URB2: variants seen among roughly 807,000 people sequenced by gnomAD.
The protein encoded by URB2 is URB2 ribosome biogenesis homolog.
Under a neutral mutation model 120.9 loss-of-function variants are expected in URB2, and 86 were observed. That is an observed-to-expected ratio of 0.71 (90% CI 0.60 to 0.85). The LOEUF is 0.85. URB2 is among the 40% of genes least tolerant of loss of function. The pLI, the probability that URB2 is intolerant of heterozygous loss-of-function variation, is 0.00. For missense variants in URB2, 1,765 were observed against 1,836.5 expected (o/e 0.96, Z 0.71); for synonymous variants, 755 against 758.4 (o/e 1.00, Z 0.07).
intron 5 of URB2, among the ~76,000 whole-genome samples, 200 bp from the exon 6 acceptor site, chr1:229,645,659 T>C (rs73101787): frequency 0.026 from 3,962 of 152,230 alleles, 161 homozygotes; most frequent in African/African-American, 0.088. Flanking sequence ...TCTTCTTCAC[T>C]TCCTTCCTGT....
chr1:229,655,131 G>A (rs1666377238), intron 9 of URB2, among the ~76,000 whole-genome samples: 1 of 152,210 alleles, frequency 6.6e-6, no homozygotes, highest in South Asian at 2.1e-4. Flanking sequence ...TGACAAGGTG[G>A]AGATACAGGT....
rs947948554 is a variant in URB2, at chr1:229,651,715, G to A, written c.4237+393G>A. On this transcript the variant is annotated intron_variant, in intron 8 of 9. Transcript: ENST00000258243. ...TATAGAGCAATCTCATTTTATAAAA[G>A]GGATAAGGTCCTGCCGCTCACTGTT... Among the ~76,000 whole-genome samples, 10 of 152,302 alleles carry A rather than the reference G, an allele frequency of 6.6e-5. No homozygotes were observed. The East Asian group carries it at 1.3e-3, about 21-fold the overall frequency.
At chr1:229,639,366 A>C in intron 4 of URB2, among the ~76,000 whole-genome samples, 1 of 141,378 alleles carries the variant, frequency 7.1e-6, no homozygotes. Flanking sequence ...ATGGAGTCTC[A>C]CTCTGTCTAC....
Position 229,637,563 on chromosome 1 carries a change from A to G in URB2, c.2950A>G (p.Arg984Gly), listed in dbSNP as rs1665878411. ...VLTSLFRASS[R>G]FLIEMDDPAW... is the part of the protein sequence containing the mutation. ...GACCTCATTGTTCAGAGCTAGTAGT[A>G]GGTTCCTTATTGAGATGGATGATCC... Residue 984 changes from arginine to glycine, a missense_variant, in exon 4 of 10, where the codon AGG (arginine) becomes GGG (glycine). Arg to Gly is a moderately radical substitution (Grantham distance 125, BLOSUM62 -2). Coordinates refer to ENST00000258243, the MANE Select transcript of URB2 (RefSeq NM_014777.4). 6.2e-7 allele frequency: 1 copy of G among 1,614,238 alleles called. No individual in the cohort carries two copies. Among genetic ancestry groups the G allele is most frequent in the Non-Finnish European group, 8.5e-7 (1 of 1,180,046 alleles).
Position 229,647,604 on chromosome 1 carries a change from A to AG in URB2, c.4003dup (p.Glu1335GlyfsTer49). The AG allele has an allele frequency of 6.2e-7, 1 of 1,612,450 alleles. No homozygotes were observed. Among genetic ancestry groups the AG allele is most frequent in the South Asian group, 1.1e-5 (1 of 91,044 alleles). ...CTGGCTGCACTGCTGCGGCAGGGGG[A>AG]GGAGGCCATCGGCAACCCCCACCAC... On this transcript the variant is annotated frameshift_variant, in exon 7 of 10. Transcript: ENST00000258243. LOFTEE classifies it high-confidence loss of function.
At position 229,635,924 on chromosome 1, in the gene URB2, T is replaced by C; in HGVS notation, c.1311T>C (p.Asp437=). ...LDDLLASAWI[D]AEVTEFRTKK... ...ACCTGCTGGCTTCAGCGTGGATCGA[T>C]GCCGAGGTAACAGAGTTTCGAACCA... is the stretch of plus-strand genomic sequence containing the variant. The change falls in exon 4 of 10, where the codon GAT becomes GAC. Residue 437 remains aspartate (D), a synonymous_variant. Transcript: ENST00000258243. 6.2e-7 allele frequency: 1 copy of C among 1,614,232 alleles called. No individual in the cohort carries two copies. The highest frequency in any genetic ancestry group is 8.5e-7 in the Non-Finnish European group (1 of 1,180,052).
intron 6 of URB2, among the ~76,000 whole-genome samples, 186 bp downstream of exon 6, chr1:229,646,155 C>T (rs1390674794): frequency 6.6e-6 from 1 of 152,002 alleles, no homozygotes; most frequent in African/African-American, 2.4e-5. Flanking sequence ...TTGGTATCAA[C>T]GGTTGGAGCA....
At chr1:229,653,946 T>G (rs1222952801) in intron 8 of URB2, among the ~76,000 whole-genome samples, 5 of 150,248 alleles carry the variant, frequency 3.3e-5, no homozygotes, top group Admixed American at 6.6e-5. Flanking sequence ...GTTTTTTTTT[T>G]TTTTTTTTTT....
chr1:229,629,623 C>T (rs1665613156), intron 2 of URB2, among the ~76,000 whole-genome samples: 1 of 152,174 alleles, frequency 6.6e-6, no homozygotes, highest in Non-Finnish European at 1.5e-5. Context: ...TATTGGTTAT[C>T]TGAGCCTTTA....
chr1:229,647,560 CG>C lies in URB2; in HGVS notation c.3960del (p.Pro1321LeufsTer3). ...QEQPVSLTVV[G>X]PVLDVLAALL... ...AGCAGCCTGTGTCCCTCACAGTGGT[CG>C]GGCCTGTCTTAGATGTCCTGGCTGC... On this transcript the variant is annotated frameshift_variant, in exon 7 of 10. Coordinates refer to ENST00000258243, the MANE Select transcript of URB2 (RefSeq NM_014777.4). LOFTEE classifies it high-confidence loss of function. 6.2e-7 allele frequency: 1 copy of C among 1,614,194 alleles called. No individual in the cohort carries two copies. The highest frequency in any genetic ancestry group is 8.5e-7 in the Non-Finnish European group (1 of 1,180,042).
Position 229,637,926 on chromosome 1 carries a change from C to T in URB2, c.3313C>T (p.Pro1105Ser). ...AGCTGTGCTGCAGCTCTGCTCAGTG[C>T]CGGGGGCCCGGGGCTGGCGCCTTCC... Reference protein sequence around the residue: ...TGAVLQLCSVPGARGWRLPSV... With the variant: ...TGAVLQLCSVSGARGWRLPSV... Residue 1105 changes from proline to serine, a missense_variant, in exon 4 of 10, where the codon CCG (proline) becomes TCG (serine). By Grantham distance (74) the Pro-to-Ser change is moderately conservative. Coordinates refer to ENST00000258243, the MANE Select transcript of URB2 (RefSeq NM_014777.4). 1 of 1,612,176 alleles carries T rather than the reference C, an allele frequency of 6.2e-7. No homozygotes were observed. Among genetic ancestry groups the T allele is most frequent in the South Asian group, 1.1e-5 (1 of 90,696 alleles).
In URB2 at chr1:229,636,196, A is replaced by G. The variant is rs778470559; in HGVS notation, c.1583A>G (p.Tyr528Cys). The change falls in exon 4 of 10, where the codon TAT becomes TGT. Residue 528 changes from tyrosine (Y) to cysteine (C), a missense_variant. Physicochemically the swap from Tyr to Cys is radical, Grantham distance 194 (BLOSUM62 -2). Transcript: ENST00000258243. The part of the protein sequence containing the change: ...LEKFQSLVLP[Y>C]LQSDADMALK... ...AAGTTCCAGTCTTTAGTCTTGCCCT[A>G]TTTGCAGAGTGATGCCGACATGGCC... is the stretch of plus-strand genomic sequence containing the variant. The G allele has an allele frequency of 6.2e-6, 10 of 1,613,538 alleles. No individual in the cohort carries two copies. Among genetic ancestry groups the G allele is most frequent in the Non-Finnish European group, 7.6e-6 (9 of 1,179,622 alleles).
chr1:229,654,887 C>A (rs1417612934), intron 9 of URB2, among the ~76,000 whole-genome samples: 2 of 152,196 alleles, frequency 1.3e-5, no homozygotes, highest in Non-Finnish European at 2.9e-5. Flanking sequence ...CTGTCTTGCT[C>A]TAGCACAAAC....
intron 4 of URB2, 64 bp from the exon 5 acceptor site, chr1:229,643,469 A>G (rs1558168376): frequency 6.3e-6 from 10 of 1,592,416 alleles, no homozygotes; most frequent in East Asian, 2.2e-5. Context: ...GTTTCATCCT[A>G]TGGCTACTTG....
At chr1:229,642,940 G>A (rs972160878) in intron 4 of URB2, among the ~76,000 whole-genome samples, 5 of 152,158 alleles carry the variant, frequency 3.3e-5, no homozygotes, top group African/African-American at 1.2e-4. Flanking sequence ...AAGCCTTGCT[G>A]AACATAAACA....
chr1:229,653,253 C>T (rs1343792045), intron 8 of URB2, among the ~76,000 whole-genome samples: 12 of 152,034 alleles, frequency 7.9e-5, no homozygotes, highest in Admixed American at 3.3e-4. Flanking sequence ...TGCTTATTCA[C>T]GGTCTTCAAA....
At chr1:229,652,378 C>T (rs61484518) in intron 8 of URB2, among the ~76,000 whole-genome samples, 1,641 of 152,140 alleles carry the variant, frequency 0.011, 30 homozygotes, top group African/African-American at 0.037. Flanking sequence ...AGTTGTGGGC[C>T]GACTGGAAAT....
At position 229,635,303 on chromosome 1, in the gene URB2, C is replaced by T. The variant is rs1261036790; in HGVS notation, c.690C>T (p.Ser230=). The T allele has an allele frequency of 6.2e-7, 1 of 1,614,146 alleles. No homozygotes were observed. The highest frequency in any genetic ancestry group is 8.5e-7 in the Non-Finnish European group (1 of 1,179,982). The change falls in exon 4 of 10, where the codon AGC becomes AGT. Residue 230 remains serine, a synonymous_variant. Transcript: ENST00000258243. ...AGGGCCAGCTGAGGCAGGTGCTGAGCCGGGACATCAGGAGTCAGATTGAGG... is the reference window on the plus strand; with the variant it reads ...AGGGCCAGCTGAGGCAGGTGCTGAGTCGGGACATCAGGAGTCAGATTGAGG... The part of the protein sequence containing the change: ...AGQGQLRQVL[S]RDIRSQIEAM...
chr1:229,634,384 T>G lies in URB2; in HGVS notation c.304-533T>G, dbSNP rs186044732. Among the ~76,000 whole-genome samples the G allele has an allele frequency of 5.3e-5, 8 of 152,200 alleles. No individual in the cohort carries two copies. In the East Asian group the frequency reaches 1.5e-3, roughly 29 times the overall value. On this transcript the variant is annotated intron_variant, in intron 3 of 9. Transcript: ENST00000258243. ...CCATGCCCGGTTAATTTTTTCATTT[T>G]TAGTGGAGTCAGGTTTCACCACGTT...
Sources: gnomAD v4.1 joint callset for allele counts (sites outside exome capture counted in the v4.1 genomes callset) on GRCh38, gnomAD v4.1.1 for gene constraint, MANE v1.5 for transcripts, NCBI Gene and HGNC (gene_info 2026-07-23, HGNC 2026-07-21) for gene names.